TOX2: variants seen among roughly 807,000 people sequenced by gnomAD.
TOX2 encodes the protein TOX high mobility group box family member 2.
TOX2 carries 15 observed loss-of-function variants against 47.4 expected under a neutral mutation model. That is an observed-to-expected ratio of 0.32 (90% confidence interval 0.21 to 0.49). The LOEUF (loss-of-function observed/expected upper bound fraction) is 0.49, where lower values mean the gene tolerates loss of function less well. Among genes scored for constraint, TOX2 ranks in the 20% least tolerant of loss-of-function variants. TOX2 has a pLI of 0.99. For missense variants in TOX2, 622 were observed against 673.1 expected (o/e 0.92, Z 0.84); for synonymous variants, 290 against 296.6 (o/e 0.98, Z 0.23).
At chr20:43,963,389 C>T (rs577505216) in intron 1 of TOX2, among the ~76,000 whole-genome samples, 3 of 152,330 alleles carry the variant, frequency 2.0e-5, no homozygotes, top group South Asian at 2.1e-4. Flanking sequence ...CCAGCTCCTG[C>T]GGCAGGCAGT....
chr20:44,002,364 A>T (rs1404461843), intron 2 of TOX2, among the ~76,000 whole-genome samples: 1 of 152,208 alleles, frequency 6.6e-6, no homozygotes, highest in African/African-American at 2.4e-5. Context: ...TCCTTGGGGA[A>T]GTCCCCACCA....
At chr20:43,961,379 G>A (rs1033336148) in intron 1 of TOX2, among the ~76,000 whole-genome samples, 14 of 152,152 alleles carry the variant, frequency 9.2e-5, no homozygotes, top group African/African-American at 1.9e-4. Context: ...GCTGGCAGGC[G>A]GCAGATGCTC....
chr20:44,045,368 C>T (rs1053847804), intron 3 of TOX2, among the ~76,000 whole-genome samples: 6 of 152,094 alleles, frequency 3.9e-5, no homozygotes, highest in Admixed American at 3.9e-4. Flanking sequence ...ATAGCCTAGA[C>T]AAAGACGTGT....
chr20:43,935,054 C>T (rs1233008621), intron 1 of TOX2, among the ~76,000 whole-genome samples: 1 of 152,120 alleles, frequency 6.6e-6, no homozygotes, highest in Non-Finnish European at 1.5e-5. Flanking sequence ...CCTTCTCTAC[C>T]CTTCCCATGC....
intron 8 of TOX2, among the ~76,000 whole-genome samples, chr20:44,068,369 G>T (rs971805770): frequency 6.6e-6 from 1 of 152,138 alleles, no homozygotes; most frequent in Admixed American, 6.5e-5. Flanking sequence ...TGAGAGCAAT[G>T]GTGACATCGG....
intron 3 of TOX2, among the ~76,000 whole-genome samples, chr20:44,016,633 G>A (rs951365878): frequency 6.6e-6 from 1 of 152,204 alleles, no homozygotes; most frequent in South Asian, 2.1e-4. Context: ...AACGAAAAAT[G>A]TCTCTAGACC....
intron 5 of TOX2, among the ~76,000 whole-genome samples, chr20:44,062,871 C>G (rs1264995216): frequency 6.6e-6 from 1 of 152,070 alleles, no homozygotes; most frequent in Non-Finnish European, 1.5e-5. Flanking sequence ...ACAAAGCAAA[C>G]AATAACATGA....
Position 43,915,596 on chromosome 20 carries a change from G to A in TOX2, c.99+606G>A, listed in dbSNP as rs952073666. On this transcript the variant is annotated intron_variant, in intron 1 of 8. Coordinates refer to ENST00000341197, the MANE Select transcript of TOX2 (RefSeq NM_001098797.2). The surrounding 1 kb of genome is among the most constrained non-coding windows in gnomAD (Gnocchi z 7.1). ...AGCCTCAGACACAGATCGTCCTGAC[G>A]GCCACACAGTCACACGCGGTCACAC... Among the ~76,000 whole-genome samples the A allele has an allele frequency of 1.3e-5, 2 of 152,278 alleles. No individual in the cohort carries two copies. The highest frequency in any genetic ancestry group is 6.5e-5 in the Admixed American group (1 of 15,298).
chr20:44,015,848 C>T (rs868864578), intron 3 of TOX2, among the ~76,000 whole-genome samples: 4 of 152,212 alleles, frequency 2.6e-5, no homozygotes, highest in South Asian at 4.2e-4. Context: ...AAGAATCTGT[C>T]GGCGTTCTTT....
chr20:43,983,984 C>CTG (rs1378264673), intron 2 of TOX2, among the ~76,000 whole-genome samples: 1 of 152,224 alleles, frequency 6.6e-6, no homozygotes, highest in Non-Finnish European at 1.5e-5. Context: ...ATTCTGGCCT[C>CTG]TGAGTCTGTG....
rs117680321 is a variant in TOX2 at position 44,022,011 on chromosome 20, G to A, written c.411+15219G>A. Reference sequence around the variant, plus strand: ...TGCAAAATGAATTCCAGATGTGGTAGGGAGCAGGCTCACTTTGCCCTTAGC... The same window carrying A: ...TGCAAAATGAATTCCAGATGTGGTAAGGAGCAGGCTCACTTTGCCCTTAGC... On this transcript the variant is annotated intron_variant, in intron 3 of 8. Coordinates refer to ENST00000341197, the MANE Select transcript of TOX2 (RefSeq NM_001098797.2). 2.9e-4 allele frequency among the ~76,000 whole-genome samples: 44 copies of A among 152,308 alleles called. No individual in the cohort carries two copies. The East Asian group carries it at 7.7e-3, about 27-fold the overall frequency.
rs943906956 is a variant in TOX2, at chr20:44,053,587, T to C, written c.652-712T>C. Among the ~76,000 whole-genome samples, 59 of 119,122 alleles carry C rather than the reference T, an allele frequency of 5.0e-4. 4 individuals carry two copies. The highest frequency in any genetic ancestry group is 3.4e-3 in the Admixed American group (36 of 10,530). 78.1% of individuals were successfully genotyped at this position (119,122 alleles called of 152,430 possible). A position where few individuals can be genotyped will look rare whatever the true frequency, so the allele number is the denominator to read the frequency against. ...TATATACACACACATATATATACTATATATACACACACATATATATACATA... is the reference window on the plus strand; with the variant it reads ...TATATACACACACATATATATACTACATATACACACACATATATATACATA... On this transcript the variant is annotated intron_variant, in intron 4 of 8. Transcript: ENST00000341197.
chr20:43,955,128 A>G (rs1457282423), intron 1 of TOX2: 1 of 453,008 alleles, frequency 2.2e-6, no homozygotes, highest in Non-Finnish European at 2.9e-6. Flanking sequence ...CTGCAGAAAT[A>G]TGAATGTGTT....
intron 3 of TOX2, among the ~76,000 whole-genome samples, chr20:44,023,303 AC>A (rs143168259): frequency 0.03 from 4,584 of 151,976 alleles, 242 homozygotes; most frequent in African/African-American, 0.099. Context: ...GGTGGTGAAC[AC>A]CTGTAATCCC....
chr20:43,979,842 G>A (rs946477303), intron 2 of TOX2, among the ~76,000 whole-genome samples: 2 of 152,196 alleles, frequency 1.3e-5, no homozygotes. Flanking sequence ...ATCTCACCCA[G>A]TTAAAATGGC....
intron 1 of TOX2, among the ~76,000 whole-genome samples, chr20:43,921,284 C>G (rs2069110259): frequency 6.6e-6 from 1 of 152,180 alleles, no homozygotes; most frequent in South Asian, 2.1e-4. Context: ...GCTCCTTGCC[C>G]CATGTGATTC....
At chr20:44,016,036 A>G (rs1569098382) in intron 3 of TOX2, among the ~76,000 whole-genome samples, 1 of 152,026 alleles carries the variant, frequency 6.6e-6, no homozygotes, top group East Asian at 1.9e-4. Context: ...GGAACAAAAC[A>G]TGTTCTTTTC....
chr20:43,951,818 C>T (rs6073261), intron 1 of TOX2, among the ~76,000 whole-genome samples: 74,814 of 148,264 alleles, frequency 0.5, 20,823 homozygotes, highest in South Asian at 0.69. Flanking sequence ...CTCAAGCACT[C>T]CTCCCATCTT....
In TOX2 at chr20:43,951,705, A is replaced by ATTTTTTTTTTTTTTTTTTTTTTTT. The variant is rs1212223106; in HGVS notation, c.100-21661_100-21660insTTTTTTTTTTTTTTTTTTTTTTTT. ...AATGACCATTACTATTAAACTTATT[A>ATTTTTTTTTTTTTTTTTTTTTTTT]TGTTTTTTTTTTTTTTTTTTTTTAG... is the stretch of plus-strand genomic sequence containing the variant. On this transcript the variant is annotated intron_variant, in intron 1 of 8. Transcript: ENST00000341197. 3.6e-4 allele frequency among the ~76,000 whole-genome samples: 11 copies of ATTTTTTTTTTTTTTTTTTTTTTTT among 30,388 alleles called. No individual in the cohort carries two copies. In the South Asian group the frequency reaches 4.1e-3, roughly 11 times the overall value. The allele number at this position is 30,388 out of a possible 152,430, so 19.9% of individuals were successfully genotyped here.
Sources: gnomAD v4.1 joint callset for allele counts (sites outside exome capture counted in the v4.1 genomes callset) on GRCh38, gnomAD v4.1.1 for gene constraint, Gnocchi (gnomAD v3.1) non-coding constraint, MANE v1.5 for transcripts, NCBI Gene and HGNC (gene_info 2026-07-23, HGNC 2026-07-21) for gene names.